GALNT13: variants seen among roughly 807,000 people sequenced by gnomAD.
GALNT13 encodes polypeptide N-acetylgalactosaminyltransferase 13.
In GALNT13, 28 loss-of-function variants were observed where a neutral mutation model predicts 64.2. The observed-to-expected ratio is 0.44, with a 90% CI of 0.32 to 0.60. The LOEUF is 0.60. Among genes scored for constraint, GALNT13 ranks in the 20% least tolerant of loss-of-function variants. GALNT13 has a pLI of 0.05. For synonymous variants in GALNT13, 214 were observed against 224.6 expected (o/e 0.95, Z 0.42); for missense variants, 577 against 669.8 (o/e 0.86, Z 1.53).
At chr2:153,281,948 T>C in the GALNT13 span, among the ~76,000 whole-genome samples, 2 of 152,112 alleles carry the variant, frequency 1.3e-5, no homozygotes, top group African/African-American at 4.8e-5. Flanking sequence ...TGTTTACCTG[T>C]CTAGCAAGAT....
At chr2:154,189,944 A>T (rs1218489191) in intron 4 of GALNT13, among the ~76,000 whole-genome samples, 1 of 152,216 alleles carries the variant, frequency 6.6e-6, no homozygotes, top group Non-Finnish European at 1.5e-5. Flanking sequence ...TTAATATGTA[A>T]AATACAGGTG....
chr2:153,463,575 T>C, the GALNT13 span, among the ~76,000 whole-genome samples: 1 of 152,052 alleles, frequency 6.6e-6, no homozygotes, highest in Admixed American at 6.6e-5. Context: ...CCATTCATAG[T>C]AGTCAGCATG....
intron 3 of GALNT13, among the ~76,000 whole-genome samples, chr2:153,975,839 A>C (rs528555655): frequency 5.3e-5 from 8 of 152,114 alleles, no homozygotes; most frequent in Non-Finnish European, 7.4e-5. Context: ...TACACACACA[A>C]AAAAACGGTA....
chr2:153,399,796 G>A, the GALNT13 span, among the ~76,000 whole-genome samples: 1 of 152,142 alleles, frequency 6.6e-6, no homozygotes, highest in East Asian at 1.9e-4. Context: ...CTTTGCTGAA[G>A]TTGCTTATCA....
chr2:153,563,507 A>G, the GALNT13 span, among the ~76,000 whole-genome samples: 1 of 152,022 alleles, frequency 6.6e-6, no homozygotes, highest in Non-Finnish European at 1.5e-5. Flanking sequence ...GGATTTTCTT[A>G]TACTGTGAGG....
chr2:154,328,349 T>G (rs1026702268), intron 9 of GALNT13, among the ~76,000 whole-genome samples: 2 of 152,194 alleles, frequency 1.3e-5, no homozygotes, highest in African/African-American at 2.4e-5. Context: ...AACATTGTTT[T>G]TGATACTCAT....
the GALNT13 span, among the ~76,000 whole-genome samples, chr2:153,688,317 G>A: frequency 7.9e-5 from 12 of 151,982 alleles, no homozygotes; most frequent in Admixed American, 3.3e-4. Context: ...CTTCTTTTGG[G>A]AGAAAACTTT....
At chr2:154,264,479 A>C (rs1377756427) in intron 8 of GALNT13, among the ~76,000 whole-genome samples, 2 of 151,404 alleles carry the variant, frequency 1.3e-5, no homozygotes, top group Admixed American at 6.6e-5. Flanking sequence ...AAAAAAAAAA[A>C]AAAAAAAATT....
chr2:153,917,430 T>G (rs1175323785), intron 2 of GALNT13, among the ~76,000 whole-genome samples: 3 of 152,302 alleles, frequency 2.0e-5, no homozygotes, highest in African/African-American at 7.2e-5. Context: ...CTTCTGGTTT[T>G]TATTATTTTT....
the GALNT13 span, among the ~76,000 whole-genome samples, chr2:153,759,250 C>T: frequency 2.0e-5 from 3 of 152,006 alleles, no homozygotes; most frequent in Admixed American, 6.6e-5. Flanking sequence ...CAAACATGAA[C>T]AATTTTCTTA....
Position 154,242,807 on chromosome 2 carries a change from A to G in GALNT13, c.588A>G (p.Ala196=), listed in dbSNP as rs530544439. ...TAATACGTGCCCGTCTTCGAGGAGC[A>G]GCTGCTTCAAAAGGGCAGGTCATAA... ...SGLIRARLRG[A]AASKGQVITF... is the part of the protein sequence containing the mutation. The change falls in exon 6 of 13, where the codon GCA becomes GCG. Residue 196 remains alanine (A), a synonymous_variant. Coordinates refer to ENST00000392825, the MANE Select transcript of GALNT13 (RefSeq NM_052917.4). 14 of 1,614,158 alleles carry G rather than the reference A, an allele frequency of 8.7e-6. No individual in the cohort carries two copies. In the Middle Eastern group the frequency reaches 6.6e-4, roughly 76 times the overall value.
At chr2:154,417,634 C>T (rs936037407) in intron 11 of GALNT13, among the ~76,000 whole-genome samples, 4 of 151,686 alleles carry the variant, frequency 2.6e-5, no homozygotes, top group Admixed American at 6.6e-5. Flanking sequence ...CCTCAGCCCC[C>T]CCGAGTAGCT....
chr2:153,670,847 GA>G, the GALNT13 span, among the ~76,000 whole-genome samples: 1 of 152,180 alleles, frequency 6.6e-6, no homozygotes, highest in African/African-American at 2.4e-5. Context: ...CCAGTGCAGA[GA>G]AGAGCTTAAA....
chr2:153,371,839 G>C, the GALNT13 span, among the ~76,000 whole-genome samples: 1 of 152,112 alleles, frequency 6.6e-6, no homozygotes, highest in Non-Finnish European at 1.5e-5. Flanking sequence ...GTGATCTTTG[G>C]ATACTTTTTA....
At chr2:153,721,839 C>T in the GALNT13 span, among the ~76,000 whole-genome samples, 2 of 151,564 alleles carry the variant, frequency 1.3e-5, no homozygotes, top group Admixed American at 6.6e-5. Flanking sequence ...GAGACTTAGA[C>T]TCCCACACAA....
At chr2:153,475,238 G>A in the GALNT13 span, among the ~76,000 whole-genome samples, 1 of 152,194 alleles carries the variant, frequency 6.6e-6, no homozygotes, top group African/African-American at 2.4e-5. Context: ...CTAAGGGCTG[G>A]AGAGAAGTGT....
the GALNT13 span, among the ~76,000 whole-genome samples, chr2:153,358,483 A>T: frequency 6.6e-6 from 1 of 152,154 alleles, no homozygotes; most frequent in Non-Finnish European, 1.5e-5. Context: ...ACCTGATGGG[A>T]GGCACCTGCA....
At chr2:154,041,779 A>G (rs1698992367) in intron 3 of GALNT13, among the ~76,000 whole-genome samples, 1 of 140,570 alleles carries the variant, frequency 7.1e-6, no homozygotes, top group South Asian at 2.3e-4. Context: ...ATGATGTTGA[A>G]GACAATGTTT....
chr2:153,283,770 A>C, the GALNT13 span, among the ~76,000 whole-genome samples: 1 of 152,102 alleles, frequency 6.6e-6, no homozygotes, highest in African/African-American at 2.4e-5. Flanking sequence ...GCTGCTGATC[A>C]GGGAAAGTGG....
Sources: gnomAD v4.1 joint callset for allele counts (sites outside exome capture counted in the v4.1 genomes callset) on GRCh38, gnomAD v4.1.1 for gene constraint, MANE v1.5 for transcripts, NCBI Gene and HGNC (gene_info 2026-07-23, HGNC 2026-07-21) for gene names.